The following SPHKAP variants were observed in gnomAD, a reference collection of about 807,000 sequenced individuals.
The protein encoded by SPHKAP is SPHK1 interactor, AKAP domain containing.
Under a neutral mutation model 137.5 loss-of-function variants are expected in SPHKAP, and 67 were observed. That is an observed-to-expected ratio of 0.49 (90% CI 0.40 to 0.60). The LOEUF is 0.60. Ranked by LOEUF, SPHKAP falls within the 20% of genes least tolerant of loss-of-function variation. The pLI is 0.00. For synonymous variants in SPHKAP, 813 were observed against 785.3 expected, an observed-to-expected ratio of 1.04 and a Z score of -0.59; for missense variants, 2,097 against 2,069.3, an observed-to-expected ratio of 1.01 and a Z score of -0.26.
chr2:228,024,361 TAAA>T (rs1694953028), intron 5 of SPHKAP, among the ~76,000 whole-genome samples: 1 of 145,116 alleles, frequency 6.9e-6, no homozygotes, highest in Non-Finnish European at 1.5e-5. Flanking sequence ...TTTTTTTTTT[TAAA>T]TCTGTGAATT....
chr2:228,067,126 G>A (rs150468154), intron 3 of SPHKAP, among the ~76,000 whole-genome samples: 5 of 152,328 alleles, frequency 3.3e-5, no homozygotes, highest in African/African-American at 9.6e-5. Flanking sequence ...GTTGCATGGT[G>A]ACATCAGGGC....
intron 11 of SPHKAP, among the ~76,000 whole-genome samples, chr2:227,989,960 G>A (rs1693355920): frequency 6.6e-6 from 1 of 152,064 alleles, no homozygotes; most frequent in African/African-American, 2.4e-5. Flanking sequence ...TCTGGCTGGT[G>A]GCTGAAGGTA....
At chr2:228,149,657 T>A (rs915256785) in intron 1 of SPHKAP, among the ~76,000 whole-genome samples, 24 of 152,206 alleles carry the variant, frequency 1.6e-4, no homozygotes, top group Admixed American at 3.9e-4. Flanking sequence ...TGCATGCTTT[T>A]TTTAGATTTA....
At chr2:228,169,862 A>G (rs1390979830) in intron 1 of SPHKAP, 1 of 152,110 alleles carries the variant, frequency 6.6e-6, no homozygotes. Context: ...AAATTAAAAA[A>G]AATTACAAGG....
At chr2:228,174,719 A>C (rs1416950836) in intron 1 of SPHKAP, among the ~76,000 whole-genome samples, 1 of 152,222 alleles carries the variant, frequency 6.6e-6, no homozygotes, top group Non-Finnish European at 1.5e-5. Context: ...AGCAACCAAC[A>C]GAACCAGACC....
chr2:228,151,876 T>A (rs1699944276), intron 1 of SPHKAP, among the ~76,000 whole-genome samples: 1 of 152,218 alleles, frequency 6.6e-6, no homozygotes. Context: ...TTTAAGACTA[T>A]ATGCGTTTCT....
At chr2:228,087,109 G>C (rs1047585509) in intron 3 of SPHKAP, among the ~76,000 whole-genome samples, 4 of 152,134 alleles carry the variant, frequency 2.6e-5, no homozygotes, top group African/African-American at 9.7e-5. Flanking sequence ...AAGAAAGATG[G>C]AGGAAAGACA....
chr2:228,136,747 A>T (rs1204695663), intron 1 of SPHKAP, among the ~76,000 whole-genome samples: 1 of 152,200 alleles, frequency 6.6e-6, no homozygotes, highest in Non-Finnish European at 1.5e-5. Context: ...CTTACGTAAC[A>T]TATTAAATTG....
Position 227,991,168 on chromosome 2 carries a change from C to A in SPHKAP, c.4791G>T (p.Pro1597=). Reference sequence around the variant, plus strand: ...TCTGGGGGCTGGCTGTTCCCGTAGGCGGTCCAGATGCAGGTGCTGAGAACA... The same window carrying A: ...TCTGGGGGCTGGCTGTTCCCGTAGGAGGTCCAGATGCAGGTGCTGAGAACA... The part of the protein sequence containing the change: ...SESTEAPASG[P]PTGTASPQRS... The change falls in exon 11 of 12, where the codon CCG becomes CCT. Residue 1597 remains proline (P), a synonymous_variant. Transcript: ENST00000392056. The A allele has an allele frequency of 6.2e-7, 1 of 1,614,046 alleles. No individual in the cohort carries two copies. The highest frequency in any genetic ancestry group is 8.5e-7 in the Non-Finnish European group (1 of 1,179,982).
chr2:228,100,622 C>T (rs200945747), intron 3 of SPHKAP, among the ~76,000 whole-genome samples: 1 of 73,188 alleles, frequency 1.4e-5, no homozygotes, highest in African/African-American at 5.0e-5. Flanking sequence ...CTTTTTAATT[C>T]TGTTTATGTG....
intron 2 of SPHKAP, among the ~76,000 whole-genome samples, chr2:228,109,967 A>AAG (rs1476551854): frequency 6.6e-6 from 1 of 150,690 alleles, no homozygotes; most frequent in Non-Finnish European, 1.5e-5. Flanking sequence ...AAAAAAAAAA[A>AAG]AAAAAAAAAA....
chr2:228,066,428 T>C (rs1012542294), intron 3 of SPHKAP, among the ~76,000 whole-genome samples: 1 of 152,212 alleles, frequency 6.6e-6, no homozygotes, highest in African/African-American at 2.4e-5. Flanking sequence ...GGTCTCACCT[T>C]GACACAAGGT....
intron 3 of SPHKAP, chr2:228,028,069 C>A (rs1695128412): frequency 1.0e-6 from 1 of 985,318 alleles, no homozygotes; most frequent in Non-Finnish European, 1.2e-6. Context: ...ACAACAAATG[C>A]CCGCTTCCTT....
intron 4 of SPHKAP, 99 bp from the exon 5 acceptor site, chr2:228,025,627 T>C (rs548330216): frequency 2.8e-6 from 4 of 1,416,086 alleles, no homozygotes; most frequent in African/African-American, 1.4e-5. Flanking sequence ...TAACTGCTCA[T>C]ACATATAGAC....
chr2:228,007,919 T>C (rs1045380648), intron 7 of SPHKAP, among the ~76,000 whole-genome samples: 1 of 152,100 alleles, frequency 6.6e-6, no homozygotes, highest in Non-Finnish European at 1.5e-5. Flanking sequence ...TAAAAATGGA[T>C]TAAATACTTA....
chr2:228,131,758 T>C (rs1699259535), intron 2 of SPHKAP: 2 of 983,014 alleles, frequency 2.0e-6, no homozygotes, highest in Non-Finnish European at 2.4e-6. Context: ...GTTGAGATAG[T>C]ATGGCAGTGG....
At chr2:228,158,679 C>T (rs1407364607) in intron 1 of SPHKAP, among the ~76,000 whole-genome samples, 2 of 152,190 alleles carry the variant, frequency 1.3e-5, no homozygotes. Context: ...GATTTATATT[C>T]TCACTGCAGA....
chr2:228,086,420 C>T (rs916030979), intron 3 of SPHKAP, among the ~76,000 whole-genome samples: 2 of 152,140 alleles, frequency 1.3e-5, no homozygotes, highest in African/African-American at 4.8e-5. Context: ...CCAAGAATTA[C>T]TGTATCTCAC....
chr2:228,020,503 G>T (rs1694800171), intron 6 of SPHKAP, among the ~76,000 whole-genome samples: 1 of 152,118 alleles, frequency 6.6e-6, no homozygotes, highest in Admixed American at 6.5e-5. Context: ...TCACTCATAG[G>T]TGGGAATTGA....
Sources: gnomAD v4.1 joint callset for allele counts (sites outside exome capture counted in the v4.1 genomes callset) on GRCh38, gnomAD v4.1.1 for gene constraint, MANE v1.5 for transcripts, NCBI Gene and HGNC (gene_info 2026-07-23, HGNC 2026-07-21) for gene names.